Variants in FCRL4 observed in about 807,000 individuals in gnomAD.
FCRL4 encodes Fc receptor like 4.
Under a neutral mutation model 64.1 loss-of-function variants are expected in FCRL4, and 43 were observed. That is an observed-to-expected ratio of 0.67 (90% confidence interval 0.53 to 0.87). The LOEUF is 0.87. Ranked by LOEUF, FCRL4 falls within the 40% of genes least tolerant of loss-of-function variation. The pLI, the probability that FCRL4 is intolerant of heterozygous loss-of-function variation, is 0.00. For missense variants in FCRL4, 656 were observed against 613.5 expected (o/e 1.07, Z -0.73); for synonymous variants, 253 against 239.8 (o/e 1.05, Z -0.51).
intron 5 of FCRL4, among the ~76,000 whole-genome samples, 185 bp downstream of exon 5, chr1:157,587,091 G>A (rs948779819): frequency 6.6e-6 from 1 of 152,224 alleles, no homozygotes; most frequent in South Asian, 2.1e-4. Context: ...GGAAGACTGA[G>A]TTTTTAGGAA....
At chr1:157,591,512 G>A (rs12118837) in intron 2 of FCRL4, among the ~76,000 whole-genome samples, 40,392 of 151,998 alleles carry the variant, frequency 0.27, 5,779 homozygotes, top group Middle Eastern at 0.36. Flanking sequence ...AGGGATTTAA[G>A]TTATATTTTT....
At chr1:157,576,239 C>T (rs943643617) in intron 10 of FCRL4, among the ~76,000 whole-genome samples, 1 of 152,094 alleles carries the variant, frequency 6.6e-6, no homozygotes, top group African/African-American at 2.4e-5. Flanking sequence ...GTGAACCATG[C>T]ATATTAGAAA....
At chr1:157,587,661 C>T (rs961396779) in intron 4 of FCRL4, 101 bp from the exon 5 acceptor site, 11 of 1,316,740 alleles carry the variant, frequency 8.4e-6, no homozygotes, top group Admixed American at 6.2e-5. Flanking sequence ...AGACACACAG[C>T]AAGACAAACT....
Position 157,597,940 on chromosome 1 carries a change from A to G in FCRL4, c.5T>C (p.Leu2Pro), listed in dbSNP as rs2101691166. The G allele has an allele frequency of 6.2e-7, 1 of 1,613,346 alleles. No homozygotes were observed. Among genetic ancestry groups the G allele is most frequent in the Admixed American group, 1.7e-5 (1 of 59,968 alleles). Residue 2 changes from leucine (L) to proline (P), a missense_variant, in exon 1 of 12, where the codon CTG becomes CCG. Transcript: ENST00000271532. ...AAAGGCCAGCAAGGACGCCCACAGCAGCATGGAAGCCTGCTCCAGGATTGG... is the reference window on the plus strand; with the variant it reads ...AAAGGCCAGCAAGGACGCCCACAGCGGCATGGAAGCCTGCTCCAGGATTGG... M[L>P]LWASLLAFAP...
At chr1:157,580,214 A>G (rs1267001875) in intron 8 of FCRL4, 107 bp downstream of exon 8, 1 of 1,195,602 alleles carries the variant, frequency 8.4e-7, no homozygotes, top group Non-Finnish European at 1.2e-6. Context: ...GGAAGTATCT[A>G]GCCACAGGGC....
chr1:157,587,228 C>T (rs748508985), intron 5 of FCRL4, 48 bp downstream of exon 5: 1 of 1,595,798 alleles, frequency 6.3e-7, no homozygotes, highest in Non-Finnish European at 8.6e-7. Context: ...CTACAGAGCC[C>T]AAGGGGCAGA....
At position 157,580,348 on chromosome 1, in the gene FCRL4, C is replaced by T. The variant is rs748024637; in HGVS notation, c.1250G>A (p.Gly417Glu). The T allele has an allele frequency of 2.5e-6, 4 of 1,614,084 alleles. No homozygotes were observed. Among genetic ancestry groups the T allele is most frequent in the Non-Finnish European group, 3.4e-6 (4 of 1,179,996 alleles). The part of the protein sequence containing the change: ...LFHCWRRRKS[G>E]VGFLGDETRL... The stretch of plus-strand genomic sequence containing the variant: ...GGTTTCGTCTCCCAAGAAACCAACT[C>T]CTGCAAAATAAAGCAAAGACGCATT... The change falls in exon 8 of 12, where the codon GGA becomes GAA. Residue 417 changes from glycine to glutamate, a missense_variant and splice_region_variant. By Grantham distance (98) the Gly-to-Glu change is moderately conservative. Coordinates refer to ENST00000271532, the MANE Select transcript of FCRL4 (RefSeq NM_031282.3).
rs1652378320 is a variant in FCRL4 at position 157,575,395 on chromosome 1, A to G, written c.*129T>C. On this transcript the variant is annotated 3_prime_UTR_variant, in exon 12 of 12. Coordinates refer to ENST00000271532, the MANE Select transcript of FCRL4 (RefSeq NM_031282.3). ...TGAGTATTCCTGGGAGTGAATGCAT[A>G]TGCATGAGAAGAATTAGAAAGCTGG... The G allele has an allele frequency of 1.4e-6, 1 of 690,998 alleles. No individual in the cohort carries two copies. The highest frequency in any genetic ancestry group is 1.8e-5 in the African/African-American group (1 of 56,446). 42.8% of individuals were successfully genotyped at this position (690,998 alleles called of 1,614,324 possible).
At chr1:157,591,131 T>C (rs1445411821) in intron 2 of FCRL4, among the ~76,000 whole-genome samples, 2 of 152,182 alleles carry the variant, frequency 1.3e-5, no homozygotes, top group Admixed American at 1.3e-4. Context: ...ATGGTTCTAT[T>C]TGGAAGATGA....
At position 157,575,203 on chromosome 1, in the gene FCRL4, A is replaced by T. The variant is rs1050281368; in HGVS notation, c.*321T>A. 2.9e-6 allele frequency: 1 copy of T among 350,752 alleles called. No individual in the cohort carries two copies. Among genetic ancestry groups the T allele is most frequent in the Non-Finnish European group, 5.3e-6 (1 of 190,460 alleles). The allele number at this position is 350,752 out of a possible 1,614,324, so 21.7% of individuals were successfully genotyped here. A position where few individuals can be genotyped will look rare whatever the true frequency, so the allele number is the denominator to read the frequency against. The stretch of plus-strand genomic sequence containing the variant: ...ACCAAAATTTGTGCTTCTGTTTTTC[A>T]TAACAGTCCTTCTCTCTCTTTATCC... On this transcript the variant is annotated 3_prime_UTR_variant, in exon 12 of 12. Coordinates refer to ENST00000271532, the MANE Select transcript of FCRL4 (RefSeq NM_031282.3).
At chr1:157,584,419 C>G (rs1409014409) in intron 6 of FCRL4, among the ~76,000 whole-genome samples, 1 of 151,908 alleles carries the variant, frequency 6.6e-6, no homozygotes. Context: ...GCCTGTAGTC[C>G]CAGCTATTTG....
rs1652346190 is a variant in FCRL4, at chr1:157,574,015, TTC to T, written c.*1507_*1508del. On this transcript the variant is annotated 3_prime_UTR_variant, in exon 12 of 12. Transcript: ENST00000271532. ...ATTTATATGTCTTCTATTTTTCTTT[TTC>T]TCTTTTTTTGGGGGTGATACATGTG... 4.8e-6 allele frequency: 1 copy of T among 207,194 alleles called. No individual in the cohort carries two copies. Among genetic ancestry groups the T allele is most frequent in the Admixed American group, 5.9e-5 (1 of 16,878 alleles). The allele number at this position is 207,194 out of a possible 1,614,324, so 12.8% of individuals were successfully genotyped here.
Position 157,587,363 on chromosome 1 carries a change from C to T in FCRL4, c.760G>A (p.Glu254Lys). ...CCACACCAATAGGATCCTGAGTTTT[C>T]TCTCCAGACGGTTGGGAGCTGGAGT... ...PELQLPTVWR[E>K]NSGSYWCGAE... The change falls in exon 5 of 12, where the codon GAA becomes AAA. Residue 254 changes from glutamate (E) to lysine (K), a missense_variant. Glu to Lys is a moderately conservative substitution (Grantham distance 56). Transcript: ENST00000271532. 6.2e-7 allele frequency: 1 copy of T among 1,614,238 alleles called. No homozygotes were observed. Among genetic ancestry groups the T allele is most frequent in the East Asian group, 2.2e-5 (1 of 44,886 alleles).
intron 7 of FCRL4, 142 bp from the exon 8 acceptor site, chr1:157,580,490 GGT>G: frequency 1.2e-6 from 1 of 846,382 alleles, no homozygotes; most frequent in Non-Finnish European, 1.9e-6. Context: ...ATGAAAATGA[GGT>G]GAAAAAAAGA....
At chr1:157,580,582 G>A (rs1314532085) in intron 7 of FCRL4, 1 of 514,884 alleles carries the variant, frequency 1.9e-6, no homozygotes, top group Non-Finnish European at 3.5e-6. Context: ...AATTTATTAA[G>A]ACTCAAGTCT....
chr1:157,582,624 G>A (rs774663024), intron 6 of FCRL4, among the ~76,000 whole-genome samples: 15 of 152,292 alleles, frequency 9.8e-5, no homozygotes, highest in East Asian at 1.9e-4. Context: ...CATGATTTCC[G>A]TTTATTTTCA....
At chr1:157,578,567 G>A (rs372277997) in intron 9 of FCRL4, 25 bp from the exon 10 acceptor site, 2 of 1,599,892 alleles carry the variant, frequency 1.3e-6, no homozygotes, top group South Asian at 1.1e-5. Context: ...CATTTTCAAG[G>A]CTGTTCCTGT....
At chr1:157,592,017 G>A (rs985008191) in intron 2 of FCRL4, among the ~76,000 whole-genome samples, 2 of 152,158 alleles carry the variant, frequency 1.3e-5, no homozygotes, top group South Asian at 2.1e-4. Flanking sequence ...TTTAATAAAT[G>A]GTGCTGGGAA....
At chr1:157,592,506 C>G (rs1387963794) in intron 2 of FCRL4, among the ~76,000 whole-genome samples, 2 of 152,174 alleles carry the variant, frequency 1.3e-5, no homozygotes, top group Admixed American at 1.3e-4. Context: ...CACTGGCCAT[C>G]AGAGAAATGC....
Sources: allele counts gnomAD v4.1 joint callset (sites outside exome capture counted in the v4.1 genomes callset), GRCh38; gene constraint gnomAD v4.1.1; transcripts MANE v1.5; gene names NCBI Gene and HGNC (gene_info 2026-07-23, HGNC 2026-07-21).